GUCY1A2: variants seen among roughly 807,000 people sequenced by gnomAD.
GUCY1A2 encodes the protein guanylate cyclase soluble subunit alpha-2.
A neutral mutation model predicts 63.5 loss-of-function variants in GUCY1A2; 27 were observed. That is an observed-to-expected ratio of 0.43 (90% CI 0.31 to 0.59). GUCY1A2 has a LOEUF of 0.59. GUCY1A2 is among the 20% of genes least tolerant of loss of function. The pLI is 0.11. For missense variants in GUCY1A2, 768 were observed against 913.3 expected (o/e 0.84, Z 2.05); for synonymous variants, 364 against 343.5 (o/e 1.06, Z -0.66).
intron 4 of GUCY1A2, among the ~76,000 whole-genome samples, chr11:106,820,990 A>T (rs1344349967): frequency 6.6e-6 from 1 of 151,464 alleles, no homozygotes; most frequent in African/African-American, 2.4e-5. Flanking sequence ...TCTATTCTTT[A>T]AATCTCAGAA....
intron 5 of GUCY1A2, 98 bp from the exon 6 acceptor site, chr11:106,776,680 C>G: frequency 1.8e-6 from 2 of 1,130,298 alleles, no homozygotes; most frequent in Non-Finnish European, 2.6e-6. Flanking sequence ...AAAAACATGT[C>G]GGCAAAACAT....
At position 106,940,256 on chromosome 11, in the gene GUCY1A2, A is replaced by C. The variant is rs1860735649; in HGVS notation, c.488-78T>G. The C allele has an allele frequency of 1.0e-5, 7 of 700,028 alleles. No homozygotes were observed. The South Asian group carries it at 1.3e-4, about 13-fold the overall frequency. 43.4% of individuals were successfully genotyped at this position (700,028 alleles called of 1,614,324 possible). A position where few individuals can be genotyped will look rare whatever the true frequency, so the allele number is the denominator to read the frequency against. The stretch of plus-strand genomic sequence containing the variant: ...TTTATAGCTTTTTAAGTGCTTATCA[A>C]AAGAGTAACTACTGAATAAAGTAAC... On this transcript the variant is annotated intron_variant, in intron 3 of 7. Coordinates refer to ENST00000526355, the MANE Select transcript of GUCY1A2 (RefSeq NM_000855.3).
intron 4 of GUCY1A2, among the ~76,000 whole-genome samples, chr11:106,909,866 A>C (rs2119860484): frequency 6.6e-6 from 1 of 152,174 alleles, no homozygotes. Context: ...CTGGGCTAAT[A>C]CCTAAGAATG....
chr11:106,734,643 T>A (rs769378690), intron 6 of GUCY1A2, among the ~76,000 whole-genome samples: 7 of 152,150 alleles, frequency 4.6e-5, no homozygotes, highest in Non-Finnish European at 8.8e-5. Flanking sequence ...AGCACAATAA[T>A]GCTGTGAAGT....
At chr11:106,987,436 A>C (rs1861416146) in intron 1 of GUCY1A2, among the ~76,000 whole-genome samples, 1 of 152,206 alleles carries the variant, frequency 6.6e-6, no homozygotes, top group Admixed American at 6.5e-5. Context: ...GGATCACTTG[A>C]GGTCAGGAGT....
At chr11:106,794,356 G>C (rs1020760306) in intron 5 of GUCY1A2, among the ~76,000 whole-genome samples, 1 of 152,020 alleles carries the variant, frequency 6.6e-6, no homozygotes, top group Non-Finnish European at 1.5e-5. Context: ...GGAAGAAATG[G>C]GAAGATGTTA....
intron 6 of GUCY1A2, among the ~76,000 whole-genome samples, chr11:106,774,121 A>G (rs1156467804): frequency 6.6e-6 from 1 of 151,910 alleles, no homozygotes; most frequent in South Asian, 2.1e-4. Context: ...TTTCACACCA[A>G]TCAATGTCAC....
intron 4 of GUCY1A2, among the ~76,000 whole-genome samples, chr11:106,913,241 G>A (rs905838523): frequency 6.6e-6 from 1 of 152,104 alleles, no homozygotes; most frequent in Non-Finnish European, 1.5e-5. Context: ...AATGCCTGAA[G>A]CTAGACAATT....
At chr11:106,847,926 A>T (rs1859298401) in intron 4 of GUCY1A2, among the ~76,000 whole-genome samples, 1 of 151,646 alleles carries the variant, frequency 6.6e-6, no homozygotes, top group Non-Finnish European at 1.5e-5. Context: ...GACTCCAGAA[A>T]ATCTCTGTTT....
At chr11:106,940,214 T>C in intron 3 of GUCY1A2, 36 bp from the exon 4 acceptor site, 1 of 904,972 alleles carries the variant, frequency 1.1e-6, no homozygotes, top group East Asian at 2.4e-5. Context: ...TAGTGAAGTC[T>C]AATATAAATA....
chr11:106,919,943 C>T (rs1329007989), intron 4 of GUCY1A2, among the ~76,000 whole-genome samples: 1 of 151,944 alleles, frequency 6.6e-6, no homozygotes, highest in Non-Finnish European at 1.5e-5. Context: ...GTGAAGATGT[C>T]CAAGAAAACA....
intron 4 of GUCY1A2, among the ~76,000 whole-genome samples, chr11:106,914,540 G>C (rs1042363175): frequency 6.6e-6 from 1 of 150,542 alleles, no homozygotes; most frequent in Non-Finnish European, 1.5e-5. Context: ...CGTCCAGTAA[G>C]TACAAATACA....
intron 3 of GUCY1A2, among the ~76,000 whole-genome samples, chr11:106,954,460 G>A (rs1860954474): frequency 6.6e-6 from 1 of 152,158 alleles, no homozygotes; most frequent in African/African-American, 2.4e-5. Context: ...GTGCCATGTG[G>A]CACAGGAGAA....
rs531556717 is a variant in GUCY1A2 at position 106,825,950 on chromosome 11, T to G, written c.1207-15472A>C. ...AGGAGTAAGTCATCAATATAAATAT[T>G]AGCAAACGAGATATTGCTACATCTC... is the stretch of plus-strand genomic sequence containing the variant. On this transcript the variant is annotated intron_variant, in intron 4 of 7. Coordinates refer to ENST00000526355, the MANE Select transcript of GUCY1A2 (RefSeq NM_000855.3). Among the ~76,000 whole-genome samples the G allele has an allele frequency of 5.9e-5, 9 of 152,282 alleles. No homozygotes were observed. In the South Asian group the frequency reaches 1.9e-3, roughly 32 times the overall value.
At chr11:106,926,210 A>C (rs538494937) in intron 4 of GUCY1A2, among the ~76,000 whole-genome samples, 132 of 152,256 alleles carry the variant, frequency 8.7e-4, no homozygotes, top group African/African-American at 2.9e-3. Context: ...ACTTGAGGCC[A>C]GGAGTTCTAG....
chr11:106,882,590 A>G (rs1859839779), intron 4 of GUCY1A2, among the ~76,000 whole-genome samples: 1 of 151,908 alleles, frequency 6.6e-6, no homozygotes, highest in Non-Finnish European at 1.5e-5. Context: ...GACACAAAGC[A>G]CTCTCCCAGG....
At chr11:106,913,179 T>G (rs1382342583) in intron 4 of GUCY1A2, among the ~76,000 whole-genome samples, 1 of 152,128 alleles carries the variant, frequency 6.6e-6, no homozygotes, top group East Asian at 1.9e-4. Context: ...TTTGTACTAA[T>G]CTATGAAACA....
At chr11:106,965,399 A>G (rs1014115317) in intron 3 of GUCY1A2, among the ~76,000 whole-genome samples, 2 of 152,238 alleles carry the variant, frequency 1.3e-5, no homozygotes, top group Non-Finnish European at 2.9e-5. Context: ...ACATGTGTAT[A>G]CATACATATG....
At chr11:106,842,250 C>T (rs780729798) in intron 4 of GUCY1A2, among the ~76,000 whole-genome samples, 18 of 151,904 alleles carry the variant, frequency 1.2e-4, no homozygotes, top group Non-Finnish European at 2.5e-4. Context: ...GTTAGTGGTT[C>T]CCACCATTGC....
Sources: allele counts gnomAD v4.1 joint callset (sites outside exome capture counted in the v4.1 genomes callset), GRCh38; gene constraint gnomAD v4.1.1; transcripts MANE v1.5; gene names NCBI Gene and HGNC (gene_info 2026-07-23, HGNC 2026-07-21).